The following SHROOM3 variants were observed in gnomAD, a reference collection of about 807,000 sequenced individuals.
SHROOM3 encodes the protein protein Shroom3.
Under a neutral mutation model 138.6 loss-of-function variants are expected in SHROOM3, and 47 were observed. The observed-to-expected ratio is 0.34, with a 90% confidence interval of 0.27 to 0.43. The LOEUF (loss-of-function observed/expected upper bound fraction) is 0.43. Among genes scored for constraint, SHROOM3 ranks in the 20% least tolerant of loss-of-function variants. SHROOM3 has a pLI of 1.00. For missense variants in SHROOM3, 2,491 were observed against 2,596.5 expected (o/e 0.96, Z 0.88); for synonymous variants, 1,062 against 1,063.3 (o/e 1.00, Z 0.02).
intron 9 of SHROOM3, among the ~76,000 whole-genome samples, chr4:76,762,695 C>A (rs1285576523): frequency 6.6e-6 from 1 of 152,194 alleles, no homozygotes. Context: ...GAGAACACAC[C>A]TTCTCTGTTT....
chr4:76,582,591 G>C (rs1734074152), intron 2 of SHROOM3, among the ~76,000 whole-genome samples: 1 of 152,152 alleles, frequency 6.6e-6, no homozygotes, highest in Admixed American at 6.5e-5. Context: ...CCTGCCCTGG[G>C]CTTATAAAAT....
At chr4:76,602,918 A>G (rs1182182367) in intron 2 of SHROOM3, among the ~76,000 whole-genome samples, 1 of 152,172 alleles carries the variant, frequency 6.6e-6, no homozygotes, top group Admixed American at 6.5e-5. Flanking sequence ...TAAGAATTGA[A>G]TGAGTTATGC....
chr4:76,522,395 G>A (rs1192568396), intron 1 of SHROOM3, among the ~76,000 whole-genome samples: 1 of 151,762 alleles, frequency 6.6e-6, no homozygotes, highest in Non-Finnish European at 1.5e-5. Flanking sequence ...GCATTAAGAG[G>A]TAAAATGTCA....
At chr4:76,678,998 T>C (rs1333342383) in intron 2 of SHROOM3, among the ~76,000 whole-genome samples, 3 of 152,234 alleles carry the variant, frequency 2.0e-5, no homozygotes, top group Non-Finnish European at 4.4e-5. Flanking sequence ...AGTTTTGTTG[T>C]TGATGTTTTT....
chr4:76,609,216 T>C (rs1360152270), intron 2 of SHROOM3, among the ~76,000 whole-genome samples: 1 of 152,196 alleles, frequency 6.6e-6, no homozygotes, highest in African/African-American at 2.4e-5. Context: ...CATTGAACCT[T>C]GCAAATTCAA....
rs552340713 is a variant in SHROOM3, at chr4:76,598,800, G to GTGAT, written c.323+43038_323+43041dup. Among the ~76,000 whole-genome samples, 371 of 152,310 alleles carry GTGAT rather than the reference G, an allele frequency of 2.4e-3. 2 individuals are homozygous for GTGAT. Among genetic ancestry groups the GTGAT allele is most frequent in the African/African-American group, 8.2e-3 (342 of 41,566 alleles). On this transcript the variant is annotated intron_variant, in intron 2 of 10. Transcript: ENST00000296043. ...ATGAGTTTGAACAGAACCCAGAAAG[G>GTGAT]TGATGGGACATTAATAAATAATTAA...
In SHROOM3 at chr4:76,467,884, G is replaced by A. The variant is rs187860617; in HGVS notation, c.168+31664G>A. On this transcript the variant is annotated intron_variant, in intron 1 of 10. Transcript: ENST00000296043. Reference sequence around the variant, plus strand: ...TTGGTTATAAGGCTGATTCCAAGGAGTGCATAAAACTTTCTAATATCTGAT... The same window carrying A: ...TTGGTTATAAGGCTGATTCCAAGGAATGCATAAAACTTTCTAATATCTGAT... Among the ~76,000 whole-genome samples the A allele has an allele frequency of 4.6e-5, 7 of 152,344 alleles. 1 individual carries two copies. In the East Asian group the frequency reaches 9.6e-4, roughly 21 times the overall value.
At chr4:76,641,573 C>A (rs1026873843) in intron 2 of SHROOM3, among the ~76,000 whole-genome samples, 1 of 152,222 alleles carries the variant, frequency 6.6e-6, no homozygotes, top group Non-Finnish European at 1.5e-5. Flanking sequence ...CAGGCTTCAA[C>A]CCAGCAATCC....
At chr4:76,497,025 A>G (rs532766894) in intron 1 of SHROOM3, among the ~76,000 whole-genome samples, 20 of 152,362 alleles carry the variant, frequency 1.3e-4, no homozygotes, top group African/African-American at 4.6e-4. Context: ...TACATAAAGA[A>G]TGTGCTTAAT....
chr4:76,474,126 T>G (rs754841294), intron 1 of SHROOM3, among the ~76,000 whole-genome samples: 12 of 152,226 alleles, frequency 7.9e-5, no homozygotes, highest in Non-Finnish European at 1.5e-4. Context: ...AATGAAGTAC[T>G]GATTCATGCT....
intron 2 of SHROOM3, among the ~76,000 whole-genome samples, chr4:76,569,664 A>C (rs1163644600): frequency 3.4e-5 from 5 of 148,092 alleles, no homozygotes; most frequent in Non-Finnish European, 7.4e-5. Context: ...ACATCTTTCC[A>C]GTTTTCCTAG....
chr4:76,448,662 T>A (rs1413816955), intron 1 of SHROOM3, among the ~76,000 whole-genome samples: 2 of 152,194 alleles, frequency 1.3e-5, no homozygotes, highest in Non-Finnish European at 2.9e-5. Flanking sequence ...TTCCCTTTTC[T>A]ACCTCATGTT....
chr4:76,533,164 T>C (rs1455406644), intron 1 of SHROOM3, among the ~76,000 whole-genome samples: 1 of 152,208 alleles, frequency 6.6e-6, no homozygotes, highest in Non-Finnish European at 1.5e-5. Context: ...TGATTAAAAC[T>C]ACAGAATGCA....
At chr4:76,437,259 A>G (rs1185383709) in intron 1 of SHROOM3, among the ~76,000 whole-genome samples, 1 of 148,516 alleles carries the variant, frequency 6.7e-6, no homozygotes, top group South Asian at 2.2e-4. Context: ...TAAGTAAAAC[A>G]AAAGGATGTG....
intron 1 of SHROOM3, among the ~76,000 whole-genome samples, chr4:76,445,139 A>C (rs1022987948): frequency 1.3e-5 from 2 of 151,716 alleles, no homozygotes; most frequent in Admixed American, 6.6e-5. Flanking sequence ...TGAAGTTGTT[A>C]TAAGTATCCA....
intron 2 of SHROOM3, among the ~76,000 whole-genome samples, chr4:76,695,298 C>T (rs905588098): frequency 2.6e-5 from 4 of 152,248 alleles, no homozygotes; most frequent in East Asian, 1.9e-4. Flanking sequence ...GGAAGTCAGT[C>T]GACTTATTTG....
intron 2 of SHROOM3, among the ~76,000 whole-genome samples, chr4:76,660,515 G>T (rs1301910451): frequency 6.6e-6 from 1 of 151,998 alleles, no homozygotes; most frequent in African/African-American, 2.4e-5. Context: ...TTGCTCTGTT[G>T]CCTGGGCTAG....
At position 76,725,088 on chromosome 4, in the gene SHROOM3, GT is replaced by G. The variant is rs986160016; in HGVS notation, c.456-5707del. On this transcript the variant is annotated intron_variant, in intron 3 of 10. Transcript: ENST00000296043. Reference sequence around the variant, plus strand: ...GCATCTAAAAGAAAAGTTGTTTTTTGTTTTTTTTTCCTCGTGTTTTTGTTTT... The same window carrying G: ...GCATCTAAAAGAAAAGTTGTTTTTTGTTTTTTTTCCTCGTGTTTTTGTTTT... Among the ~76,000 whole-genome samples the G allele has an allele frequency of 1.1e-4, 17 of 150,122 alleles. No homozygotes were observed. In the East Asian group the frequency reaches 2.8e-3, roughly 24 times the overall value.
intron 2 of SHROOM3, among the ~76,000 whole-genome samples, chr4:76,593,574 G>C (rs1734320180): frequency 2.0e-5 from 3 of 152,198 alleles, no homozygotes; most frequent in Non-Finnish European, 4.4e-5. Flanking sequence ...TATATTTTTA[G>C]TTGTAAATCA....
Sources: gnomAD v4.1 joint callset for allele counts (sites outside exome capture counted in the v4.1 genomes callset) on GRCh38, gnomAD v4.1.1 for gene constraint, MANE v1.5 for transcripts, NCBI Gene and HGNC (gene_info 2026-07-23, HGNC 2026-07-21) for gene names.